The following DPY19L4 variants were observed in gnomAD, a reference collection of about 807,000 sequenced individuals.
DPY19L4 encodes probable C-mannosyltransferase DPY19L4.
DPY19L4 carries 97 observed loss-of-function variants against 102.8 expected under a neutral mutation model. That is an observed-to-expected ratio of 0.94 (90% confidence interval 0.80 to 1.12). The LOEUF is 1.12. DPY19L4 is among the 50% of genes most tolerant of loss of function. The pLI, the probability that DPY19L4 is intolerant of heterozygous loss-of-function variation, is 0.00. For missense variants in DPY19L4, 815 were observed against 850.4 expected, an observed-to-expected ratio of 0.96 and a Z score of 0.52; for synonymous variants, 252 against 283.1, an observed-to-expected ratio of 0.89 and a Z score of 1.10.
At chr8:94,744,933 A>C (rs577614908) in intron 6 of DPY19L4, 204 of 223,278 alleles carry the variant, frequency 9.1e-4, no homozygotes, top group African/African-American at 4.5e-3. Context: ...TTTTGTTTAT[A>C]TTTTATTGGT....
intron 6 of DPY19L4, among the ~76,000 whole-genome samples, chr8:94,740,164 C>G (rs987654361): frequency 2.0e-5 from 3 of 152,158 alleles, no homozygotes; most frequent in Non-Finnish European, 4.4e-5. Context: ...CTGGCCGATG[C>G]CTTGATTTTA....
Position 94,719,939 on chromosome 8 carries a change from G to A in DPY19L4, c.-60G>A. ...GGAGGCCGAGGGGTTCGGCGACGCG[G>A]AGGGAGGGAGAGTCTGGGCCGCGCG... On this transcript the variant is annotated 5_prime_UTR_variant, in exon 1 of 19. Transcript: ENST00000414645. 1 of 1,462,364 alleles carries A rather than the reference G, an allele frequency of 6.8e-7. No individual in the cohort carries two copies. The allele number at this position is 1,462,364 out of a possible 1,614,324, so 90.6% of individuals were successfully genotyped here.
rs757583180 is a variant in DPY19L4, at chr8:94,781,095, A to C, written c.1644A>C (p.Arg548Ser). Residue 548 changes from arginine to serine, a missense_variant, in exon 16 of 19, where the codon AGA becomes AGC. Transcript: ENST00000414645. ...TTTTTGCATTTTAGTTTTTTCCCAGATTAATGACAGAATTAATGGAACTAC... is the reference window on the plus strand; with the variant it reads ...TTTTTGCATTTTAGTTTTTTCCCAGCTTAATGACAGAATTAATGGAACTAC... ...GLSLWKEFFP[R>S]LMTELMELQE... 6.4e-7 allele frequency: 1 copy of C among 1,558,658 alleles called. No individual in the cohort carries two copies. Among genetic ancestry groups the C allele is most frequent in the Non-Finnish European group, 8.6e-7 (1 of 1,163,824 alleles).
At chr8:94,724,230 G>A (rs553808378) in intron 1 of DPY19L4, among the ~76,000 whole-genome samples, 1 of 152,284 alleles carries the variant, frequency 6.6e-6, no homozygotes, top group Admixed American at 6.5e-5. Flanking sequence ...CAATAGATTT[G>A]TTAATTTGAC....
At chr8:94,733,698 C>A (rs996646837) in intron 2 of DPY19L4, among the ~76,000 whole-genome samples, 8 of 151,950 alleles carry the variant, frequency 5.3e-5, no homozygotes, top group Non-Finnish European at 1.0e-4. Flanking sequence ...CCCGCCACCA[C>A]ACCCAGCTAA....
chr8:94,740,942 T>C (rs1249502370), intron 6 of DPY19L4, among the ~76,000 whole-genome samples: 1 of 152,218 alleles, frequency 6.6e-6, no homozygotes, highest in African/African-American at 2.4e-5. Context: ...CTGGTTGTTA[T>C]GTTCCTTAAT....
intron 17 of DPY19L4, among the ~76,000 whole-genome samples, chr8:94,784,172 G>T (rs578228543): frequency 6.8e-6 from 1 of 147,882 alleles, no homozygotes; most frequent in Non-Finnish European, 1.5e-5. Flanking sequence ...GCCTCCAAGC[G>T]ATTCTCCTGC....
intron 1 of DPY19L4, among the ~76,000 whole-genome samples, chr8:94,722,388 C>T (rs1810503440): frequency 6.6e-6 from 1 of 152,226 alleles, no homozygotes; most frequent in Middle Eastern, 3.4e-3. Flanking sequence ...GCCTGGGTGA[C>T]AGAGTGAGAC....
rs756340657 is a variant in DPY19L4, at chr8:94,788,006, T to A, written c.1961T>A (p.Met654Lys). The A allele has an allele frequency of 6.6e-7, 1 of 1,509,118 alleles. No individual in the cohort carries two copies. Among genetic ancestry groups the A allele is most frequent in the Admixed American group, 2.1e-5 (1 of 47,190 alleles). The allele number at this position is 1,509,118 out of a possible 1,614,324, so 93.5% of individuals were successfully genotyped here. A position where few individuals can be genotyped will look rare whatever the true frequency, so the allele number is the denominator to read the frequency against. ...EDAICNEVGP[M>K]RGCRVKDLLD... The stretch of plus-strand genomic sequence containing the variant: ...GCTATCTGCAATGAGGTGGGACCCA[T>A]GAGAGGCTGTAGGGTTAAAGATTTA... The change falls in exon 18 of 19, where the codon ATG becomes AAG. Residue 654 changes from methionine (M) to lysine (K), a missense_variant. Met to Lys is a moderately conservative substitution (Grantham distance 95). Coordinates refer to ENST00000414645, the MANE Select transcript of DPY19L4 (RefSeq NM_181787.3).
chr8:94,728,374 T>A (rs902350937), intron 2 of DPY19L4, among the ~76,000 whole-genome samples: 3 of 152,252 alleles, frequency 2.0e-5, no homozygotes, highest in African/African-American at 7.2e-5. Context: ...GGGAATTGTT[T>A]TCCAGTTCAT....
At chr8:94,758,735 A>AT (rs141349330) in intron 7 of DPY19L4, among the ~76,000 whole-genome samples, 27,503 of 145,336 alleles carry the variant, frequency 0.19, 2,824 homozygotes, top group African/African-American at 0.28. Flanking sequence ...TATTTTAGCA[A>AT]TTTTTTTTTT....
At chr8:94,776,352 A>C (rs951240481) in intron 13 of DPY19L4, among the ~76,000 whole-genome samples, 10 of 151,754 alleles carry the variant, frequency 6.6e-5, no homozygotes, top group Admixed American at 6.6e-4. Flanking sequence ...TATTTTTAGT[A>C]GAGACGAGGT....
At chr8:94,734,334 G>T (rs1586320731) in intron 2 of DPY19L4, among the ~76,000 whole-genome samples, 1 of 152,030 alleles carries the variant, frequency 6.6e-6, no homozygotes, top group African/African-American at 2.4e-5. Context: ...AGCCCCTAAT[G>T]TCTTTTTTCT....
intron 6 of DPY19L4, among the ~76,000 whole-genome samples, chr8:94,754,409 A>C (rs1812072502): frequency 6.6e-6 from 1 of 152,126 alleles, no homozygotes; most frequent in Admixed American, 6.6e-5. Context: ...TTGGTCTGTG[A>C]GGATGTAACA....
intron 17 of DPY19L4, among the ~76,000 whole-genome samples, chr8:94,784,668 G>A (rs193152434): frequency 6.6e-6 from 1 of 152,324 alleles, no homozygotes; most frequent in Non-Finnish European, 1.5e-5. Context: ...GACCTCAGGT[G>A]ATCCACCTGC....
At chr8:94,753,310 G>A (rs1278576302) in intron 6 of DPY19L4, among the ~76,000 whole-genome samples, 2 of 152,154 alleles carry the variant, frequency 1.3e-5, no homozygotes, top group Non-Finnish European at 2.9e-5. Flanking sequence ...TAAATTAATT[G>A]AAGAGTTTTG....
At chr8:94,756,295 ATATAGT>A (rs1812161090) in intron 7 of DPY19L4, 136 bp downstream of exon 7, 3 of 1,211,442 alleles carry the variant, frequency 2.5e-6, no homozygotes, top group African/African-American at 1.5e-5. Flanking sequence ...ATAATAAAAG[ATATAGT>A]TAGGTAGTTT....
At chr8:94,783,367 C>T (rs573537039) in intron 16 of DPY19L4, among the ~76,000 whole-genome samples, 8 of 152,310 alleles carry the variant, frequency 5.3e-5, no homozygotes, top group African/African-American at 1.9e-4. Flanking sequence ...TTGTTACTAT[C>T]CCCTTACTCT....
intron 9 of DPY19L4, 41 bp downstream of exon 9, chr8:94,765,355 T>C: frequency 1.3e-6 from 2 of 1,572,116 alleles, no homozygotes; most frequent in Non-Finnish European, 1.7e-6. Context: ...TTTTGATTTT[T>C]TTTTTTTGAA....
Sources: allele counts gnomAD v4.1 joint callset (sites outside exome capture counted in the v4.1 genomes callset), GRCh38; gene constraint gnomAD v4.1.1; transcripts MANE v1.5; gene names NCBI Gene and HGNC (gene_info 2026-07-23, HGNC 2026-07-21).